Variants in PPP2R2D observed in about 807,000 individuals in gnomAD.
PPP2R2D encodes the protein protein phosphatase 2 regulatory subunit Bdelta.
In PPP2R2D, 9 loss-of-function variants were observed where a neutral mutation model predicts 31.1. The observed-to-expected ratio is 0.29, with a 90% CI of 0.17 to 0.51. PPP2R2D has a LOEUF of 0.51. Among genes scored for constraint, PPP2R2D ranks in the 20% least tolerant of loss-of-function variants. The pLI is 0.98. For synonymous variants in PPP2R2D, 179 were observed against 172.6 expected, an observed-to-expected ratio of 1.04 and a Z score of -0.29; for missense variants, 391 against 465.6, an observed-to-expected ratio of 0.84 and a Z score of 1.48.
intron 2 of PPP2R2D, among the ~76,000 whole-genome samples, chr10:131,901,773 G>T (rs1326645363): frequency 3.9e-5 from 6 of 152,164 alleles, no homozygotes; most frequent in Non-Finnish European, 8.8e-5. Flanking sequence ...CCTAGGGCTG[G>T]GTCGGGGCCT....
chr10:131,929,024 C>T lies in PPP2R2D; in HGVS notation c.101-5434C>T, dbSNP rs2036158385. Among the ~76,000 whole-genome samples the T allele has an allele frequency of 1.3e-5, 2 of 152,344 alleles. 1 individual carries two copies. The highest frequency in any genetic ancestry group is 4.8e-5 in the African/African-American group (2 of 41,590). ...TCTGTCCTCAACCCCAGAACTCACG[C>T]CTGGAGTTGTTTGTCTGCCTTCGTT... On this transcript the variant is annotated intron_variant, in intron 2 of 8. Coordinates refer to ENST00000455566, the MANE Select transcript of PPP2R2D (RefSeq NM_018461.5).
At chr10:131,928,212 C>T (rs1400429104) in intron 2 of PPP2R2D, among the ~76,000 whole-genome samples, 1 of 152,182 alleles carries the variant, frequency 6.6e-6, no homozygotes, top group Non-Finnish European at 1.5e-5. Context: ...TTGCTAGTGC[C>T]TCCGGTAGGG....
At chr10:131,925,379 T>C (rs1245387720) in intron 2 of PPP2R2D, among the ~76,000 whole-genome samples, 1 of 152,222 alleles carries the variant, frequency 6.6e-6, no homozygotes, top group Non-Finnish European at 1.5e-5. Flanking sequence ...GTTAAATGCT[T>C]TATCTGCATT....
intron 2 of PPP2R2D, among the ~76,000 whole-genome samples, chr10:131,925,427 A>G (rs2036086757): frequency 6.6e-6 from 1 of 152,170 alleles, no homozygotes; most frequent in African/African-American, 2.4e-5. Context: ...CTTTAATGTT[A>G]TTAGTATGGT....
downstream of PPP2R2D, among the ~76,000 whole-genome samples, chr10:131,961,210 G>A (rs1188289417): frequency 1.3e-5 from 2 of 152,168 alleles, no homozygotes; most frequent in Non-Finnish European, 1.5e-5. Context: ...GGCGGGCCCC[G>A]CGCTCTTCCC....
chr10:131,933,171 G>A (rs1317698164), intron 2 of PPP2R2D, among the ~76,000 whole-genome samples: 13 of 152,176 alleles, frequency 8.5e-5, no homozygotes, highest in African/African-American at 2.9e-4. Flanking sequence ...CCCAGGCCAG[G>A]GATTCCCGTG....
chr10:131,922,229 A>G (rs1157645742), intron 2 of PPP2R2D, among the ~76,000 whole-genome samples: 2 of 152,238 alleles, frequency 1.3e-5, no homozygotes, highest in African/African-American at 4.8e-5. Flanking sequence ...TCATTTACGT[A>G]TGTCTATGAC....
chr10:131,916,541 T>TCCCCTTCC (rs1381722547), intron 2 of PPP2R2D, among the ~76,000 whole-genome samples: 4 of 152,172 alleles, frequency 2.6e-5, no homozygotes, highest in African/African-American at 9.7e-5. Flanking sequence ...ACTCCCCTTC[T>TCCCCTTCC]CCCCTTCCCC....
At position 131,957,208 on chromosome 10, in the gene PPP2R2D, GTC is replaced by G; in HGVS notation, c.*1246_*1247del. The G allele has an allele frequency of 6.1e-6, 1 of 164,520 alleles. No individual in the cohort carries two copies. Among genetic ancestry groups the G allele is most frequent in the South Asian group, 1.2e-4 (1 of 8,058 alleles). 10.2% of individuals were successfully genotyped at this position (164,520 alleles called of 1,614,324 possible). On this transcript the variant is annotated 3_prime_UTR_variant, in exon 9 of 9. Transcript: ENST00000455566. ...AGATGGAGGTGTGTGCTGATCCCCC[GTC>G]CGCCTGTGGAGATGAAGGTGTGTGT...
At chr10:131,970,805 G>GT in the PPP2R2D span, 7 of 1,614,224 alleles carry the variant, frequency 4.3e-6, no homozygotes, top group South Asian at 7.7e-5. The surrounding 1 kb of genome is among the most constrained non-coding windows in gnomAD (Gnocchi z 4.1). Context: ...GGGAAGAAAC[G>GT]TGTCAGCTGA....
At chr10:131,948,715 G>T (rs1458546822) in intron 8 of PPP2R2D, among the ~76,000 whole-genome samples, 3 of 152,226 alleles carry the variant, frequency 2.0e-5, no homozygotes, top group Admixed American at 1.3e-4. Context: ...GTGAACAGCA[G>T]GTTATGGTGC....
At chr10:131,971,148 G>A in the PPP2R2D span, 298 of 619,276 alleles carry the variant, frequency 4.8e-4, no homozygotes, top group Admixed American at 1.1e-3. Context: ...CCCGGGCCGC[G>A]CCGCACTCCC....
intron 8 of PPP2R2D, among the ~76,000 whole-genome samples, chr10:131,951,736 C>T (rs1407566276): frequency 6.6e-6 from 1 of 152,108 alleles, no homozygotes; most frequent in African/African-American, 2.4e-5. Flanking sequence ...AGGAGAATCG[C>T]TTGAACCTTG....
At position 131,921,140 on chromosome 10, in the gene PPP2R2D, A is replaced by G. The variant is rs186442486; in HGVS notation, c.101-13318A>G. On this transcript the variant is annotated intron_variant, in intron 2 of 8. Transcript: ENST00000455566. ...CTCTCAGAGTGATGATCGTTTCTGT[A>G]TAGGCAAGGGAAATACTTGTCACTG... is the stretch of plus-strand genomic sequence containing the variant. 4.6e-5 allele frequency among the ~76,000 whole-genome samples: 7 copies of G among 152,326 alleles called. No homozygotes were observed. In the East Asian group the frequency reaches 1.3e-3, roughly 29 times the overall value.
intron 2 of PPP2R2D, among the ~76,000 whole-genome samples, chr10:131,901,892 A>T (rs2035505627): frequency 1.3e-5 from 2 of 152,172 alleles, no homozygotes; most frequent in South Asian, 4.1e-4. Context: ...AAATCCTTGA[A>T]TTTTACTGTG....
intron 3 of PPP2R2D, 152 bp from the exon 4 acceptor site, chr10:131,939,879 T>C (rs547053846): frequency 1.7e-5 from 7 of 415,068 alleles, no homozygotes; most frequent in Admixed American, 4.2e-5. Context: ...TTTTTTTTTT[T>C]TTTTTCCCTG....
At chr10:131,929,925 G>A (rs1282656115) in intron 2 of PPP2R2D, among the ~76,000 whole-genome samples, 5 of 152,130 alleles carry the variant, frequency 3.3e-5, no homozygotes, top group African/African-American at 1.2e-4. Flanking sequence ...TAACTCCTGT[G>A]CTGGGACTGC....
At chr10:131,902,790 C>G (rs2035521575) in intron 2 of PPP2R2D, among the ~76,000 whole-genome samples, 1 of 152,026 alleles carries the variant, frequency 6.6e-6, no homozygotes, top group South Asian at 2.1e-4. Context: ...ACTTTGTAGC[C>G]CAGGCTGGAT....
chr10:131,943,572 C>T (rs1469158887), intron 5 of PPP2R2D, among the ~76,000 whole-genome samples: 1 of 152,076 alleles, frequency 6.6e-6, no homozygotes, highest in African/African-American at 2.4e-5. Context: ...GTGTGTGCAT[C>T]TAGCTGCAAG....
Sources: allele counts gnomAD v4.1 joint callset (sites outside exome capture counted in the v4.1 genomes callset), GRCh38; gene constraint gnomAD v4.1.1; non-coding constraint Gnocchi (gnomAD v3.1); transcripts MANE v1.5; gene names NCBI Gene and HGNC (gene_info 2026-07-23, HGNC 2026-07-21).